Variants in GPR143 observed in about 807,000 individuals in gnomAD.
GPR143 encodes the protein G-protein coupled receptor 143.
A neutral mutation model predicts 27.6 loss-of-function variants in GPR143; 8 were observed. The observed-to-expected ratio is 0.29, with a 90% CI of 0.17 to 0.52. The LOEUF (loss-of-function observed/expected upper bound fraction) is 0.52, where lower values mean the gene tolerates loss of function less well. Among genes scored for constraint, GPR143 ranks in the 20% least tolerant of loss-of-function variants. The pLI, the probability that GPR143 is intolerant of heterozygous loss-of-function variation, is 0.96. For missense variants in GPR143, 303 were observed against 343.1 expected, an observed-to-expected ratio of 0.88 and a Z score of 0.92; for synonymous variants, 156 against 153.2, an observed-to-expected ratio of 1.02 and a Z score of -0.13.
At chrX:9,764,698 C>G (rs2083520198) in intron 1 of GPR143, among the ~76,000 whole-genome samples, 1 of 111,228 alleles carries the variant, frequency 9.0e-6, no homozygotes, top group Non-Finnish European at 1.9e-5. Flanking sequence ...CCCAACGTCC[C>G]TTGGATGGGA....
chrX:9,777,675 C>A (rs1175300855), intron 1 of GPR143, among the ~76,000 whole-genome samples: 1 of 110,207 alleles, frequency 9.1e-6, no homozygotes, highest in Non-Finnish European at 1.9e-5. Flanking sequence ...TAATTATCAT[C>A]ATCTCTGCCT....
At chrX:9,736,936 G>A (rs894280265) in intron 8 of GPR143, among the ~76,000 whole-genome samples, 1 of 111,791 alleles carries the variant, frequency 8.9e-6, no homozygotes, top group Non-Finnish European at 1.9e-5. Context: ...CACATCTCCA[G>A]TATCTCCACC....
At chrX:9,727,064 C>T (rs766089568) in intron 8 of GPR143, among the ~76,000 whole-genome samples, 3 of 113,041 alleles carry the variant, frequency 2.7e-5, no homozygotes, top group Non-Finnish European at 3.7e-5. Flanking sequence ...TCGACCCCAC[C>T]TTCAAGCCAA....
intron 3 of GPR143, among the ~76,000 whole-genome samples, chrX:9,751,007 C>T (rs1174357528): frequency 8.9e-6 from 1 of 112,833 alleles, no homozygotes; most frequent in Non-Finnish European, 1.9e-5. Flanking sequence ...AGCCTCATCC[C>T]AGGAGGATGC....
intron 8 of GPR143, among the ~76,000 whole-genome samples, chrX:9,726,416 C>T (rs6638958): frequency 1.8e-5 from 2 of 111,243 alleles, no homozygotes; most frequent in East Asian, 5.7e-4. Context: ...CAGCATCTAA[C>T]TCTACTCATG....
chrX:9,731,458 G>A (rs914960397), intron 8 of GPR143, among the ~76,000 whole-genome samples: 9 of 111,061 alleles, frequency 8.1e-5, no homozygotes, highest in African/African-American at 1.6e-4. Context: ...GGAAAAGTGC[G>A]GAAGGGAACA....
Position 9,725,463 on chromosome X carries a change from A to G in GPR143, c.*283T>C, listed in dbSNP as rs1187510263. ...ACTTCCCCAAGGATGTGGACCTTACACTTACTTTACAGCCAGCCTCAGAAA... is the reference window on the plus strand; with the variant it reads ...ACTTCCCCAAGGATGTGGACCTTACGCTTACTTTACAGCCAGCCTCAGAAA... On this transcript the variant is annotated 3_prime_UTR_variant, in exon 9 of 9. Transcript: ENST00000467482. The G allele has an allele frequency of 3.1e-6, 1 of 320,648 alleles. No individual in the cohort carries two copies. Among genetic ancestry groups the G allele is most frequent in the Non-Finnish European group, 5.4e-6 (1 of 184,281 alleles). 26.4% of individuals were successfully genotyped at this position (320,648 alleles called of 1,213,427 possible).
rs758071304 is a variant in GPR143, at chrX:9,728,804, T to TA, written c.1121-2965_1121-2964insT. 4.9e-5 allele frequency among the ~76,000 whole-genome samples: 5 copies of TA among 101,470 alleles called. No individual in the cohort carries two copies. In the East Asian group the frequency reaches 1.4e-3, roughly 29 times the overall value. The allele number at this position is 101,470 out of a possible 115,157, so 88.1% of individuals were successfully genotyped here. ...CTCCAGCCTGGGCAACAGAGTGAGA[T>TA]CCCACCTCAAAAAAAAAGGCAAGTG... On this transcript the variant is annotated intron_variant, in intron 8 of 8. Coordinates refer to ENST00000467482, the MANE Select transcript of GPR143 (RefSeq NM_000273.3).
intron 4 of GPR143, among the ~76,000 whole-genome samples, chrX:9,747,009 TAAAAAAAAA>T (rs56761188): frequency 0.013 from 482 of 37,624 alleles, 2 homozygotes; most frequent in African/African-American, 0.035. Flanking sequence ...GCAGAAAATG[TAAAAAAAAA>T]AAAAAAAAAA....
At position 9,759,798 on chromosome X, in the gene GPR143, G is replaced by A. The variant is rs138018607; in HGVS notation, c.361-372C>T. 6.4e-3 allele frequency among the ~76,000 whole-genome samples: 718 copies of A among 111,770 alleles called. 6 individuals carry two copies. Among genetic ancestry groups the A allele is most frequent in the Middle Eastern group, 0.023 (5 of 215 alleles). On this transcript the variant is annotated intron_variant, in intron 2 of 8. Coordinates refer to ENST00000467482, the MANE Select transcript of GPR143 (RefSeq NM_000273.3). Reference sequence around the variant, plus strand: ...CAGGCAGTCCTTCCAAAGAGAAGATGGAGTAAGGGGACTCCAGTGTTAGAA... The same window carrying A: ...CAGGCAGTCCTTCCAAAGAGAAGATAGAGTAAGGGGACTCCAGTGTTAGAA...
intron 1 of GPR143, 107 bp from the exon 2 acceptor site, chrX:9,760,933 A>G: frequency 2.1e-6 from 1 of 465,493 alleles, no homozygotes. Flanking sequence ...ATAGGAAGAG[A>G]GGAAGGAAGA....
chrX:9,731,803 G>C lies in GPR143; in HGVS notation c.1121-5963C>G, dbSNP rs372958080. The stretch of plus-strand genomic sequence containing the variant: ...TGTGGGCAATATAAGGAATTGGGGG[G>C]GGGGGGAAGGAATTGTGGAAGGCAA... On this transcript the variant is annotated intron_variant, in intron 8 of 8. Coordinates refer to ENST00000467482, the MANE Select transcript of GPR143 (RefSeq NM_000273.3). 5.0e-3 allele frequency among the ~76,000 whole-genome samples: 496 copies of C among 98,898 alleles called. 5 individuals carry two copies. Among genetic ancestry groups the C allele is most frequent in the African/African-American group, 0.016 (471 of 28,870 alleles). 85.9% of individuals were successfully genotyped at this position (98,898 alleles called of 115,157 possible).
chrX:9,726,113 T>C, intron 8 of GPR143: 2 of 357,614 alleles, frequency 5.6e-6, no homozygotes, highest in Non-Finnish European at 7.2e-6. Context: ...GATTGATAGG[T>C]GACTGCGGCA....
At chrX:9,732,865 C>CAAAAA (rs34622284) in intron 8 of GPR143, among the ~76,000 whole-genome samples, 13 of 48,124 alleles carry the variant, frequency 2.7e-4, no homozygotes, top group East Asian at 7.7e-4. Flanking sequence ...AACTCCATCT[C>CAAAAA]AAAAAAAAAA....
At chrX:9,754,737 T>A (rs1342628468) in intron 3 of GPR143, among the ~76,000 whole-genome samples, 1 of 111,729 alleles carries the variant, frequency 9.0e-6, no homozygotes, top group East Asian at 2.8e-4. Context: ...TCCAGACAGT[T>A]CTCAGATTGC....
chrX:9,761,023 CATA>C, intron 1 of GPR143, among the ~76,000 whole-genome samples, 197 bp from the exon 2 acceptor site: 1 of 111,157 alleles, frequency 9.0e-6, no homozygotes, highest in Non-Finnish European at 1.9e-5. Context: ...AAAAAACATA[CATA>C]TTTGTGTGTG....
At chrX:9,727,868 C>G (rs1451931220) in intron 8 of GPR143, among the ~76,000 whole-genome samples, 1 of 112,733 alleles carries the variant, frequency 8.9e-6, no homozygotes, top group Non-Finnish European at 1.9e-5. Flanking sequence ...CCCTTAAGCA[C>G]ACTGCCTCTC....
At chrX:9,745,561 C>G (rs2083424896) in intron 5 of GPR143, among the ~76,000 whole-genome samples, 1 of 111,943 alleles carries the variant, frequency 8.9e-6, no homozygotes, top group Admixed American at 9.5e-5. Context: ...CCAACGACTT[C>G]ATTACTCTTA....
At chrX:9,776,137 C>G (rs1376725844) in intron 1 of GPR143, among the ~76,000 whole-genome samples, 3 of 112,167 alleles carry the variant, frequency 2.7e-5, no homozygotes, top group African/African-American at 9.7e-5. Flanking sequence ...GCAGACAGCA[C>G]GGCTTCCCTC....
Sources: allele counts gnomAD v4.1 joint callset (sites outside exome capture counted in the v4.1 genomes callset), GRCh38; gene constraint gnomAD v4.1.1; transcripts MANE v1.5; gene names NCBI Gene and HGNC (gene_info 2026-07-23, HGNC 2026-07-21).